NCOA7: variants seen among roughly 807,000 people sequenced by gnomAD.
The protein encoded by NCOA7 is 140 kDa estrogen receptor-associated protein.
In NCOA7, 45 loss-of-function variants were observed where a neutral mutation model predicts 104.3. The observed-to-expected ratio is 0.43, with a 90% CI of 0.34 to 0.55. The LOEUF (loss-of-function observed/expected upper bound fraction) is 0.55. Among genes scored for constraint, NCOA7 ranks in the 20% least tolerant of loss-of-function variants. The pLI is 0.02. For missense variants in NCOA7, 1,041 were observed against 1,119.7 expected, an observed-to-expected ratio of 0.93 and a Z score of 1.00; for synonymous variants, 398 against 402.3, an observed-to-expected ratio of 0.99 and a Z score of 0.13.
chr6:125,919,346 C>T (rs190242917), intron 11 of NCOA7: 35 of 1,612,856 alleles, frequency 2.2e-5, no homozygotes, highest in Non-Finnish European at 2.9e-5. Flanking sequence ...CCACACTTCT[C>T]ACTGCTCACA....
rs530251363 is a variant in NCOA7 at position 125,890,561 on chromosome 6, C to T, written c.1928-81C>T. ...ATGTTTTGACTAAGAGAGGATTGTG[C>T]ACTATTTTTTTTAAGTTGAAAAATT... On this transcript the variant is annotated intron_variant, in intron 9 of 15. Coordinates refer to ENST00000392477, the MANE Select transcript of NCOA7 (RefSeq NM_181782.5). 2.3e-5 allele frequency: 31 copies of T among 1,336,040 alleles called. No homozygotes were observed. In the South Asian group the frequency reaches 4.1e-4, roughly 18 times the overall value. 82.8% of individuals were successfully genotyped at this position (1,336,040 alleles called of 1,614,324 possible).
intron 7 of NCOA7, among the ~76,000 whole-genome samples, chr6:125,884,013 C>A (rs1047895028): frequency 1.3e-5 from 2 of 152,158 alleles, no homozygotes; most frequent in Non-Finnish European, 2.9e-5. Context: ...ACCACCACAC[C>A]CGGCCCACCC....
intron 2 of NCOA7, among the ~76,000 whole-genome samples, chr6:125,829,361 A>G (rs1015838985): frequency 6.6e-6 from 1 of 152,216 alleles, no homozygotes; most frequent in Non-Finnish European, 1.5e-5. Context: ...AGGAATTTTT[A>G]AAATAAACTA....
intron 11 of NCOA7, chr6:125,919,551 A>G: frequency 1.0e-6 from 1 of 989,722 alleles, no homozygotes. Context: ...TTCTACCAGC[A>G]GGTGTTTTAT....
intron 13 of NCOA7, among the ~76,000 whole-genome samples, chr6:125,926,982 C>A (rs1189832132): frequency 6.6e-6 from 1 of 152,096 alleles, no homozygotes; most frequent in Admixed American, 6.6e-5. Context: ...CCCTTCCATC[C>A]CCCGATAAGA....
At chr6:125,787,591 C>A (rs540355287), upstream of NCOA7, among the ~76,000 whole-genome samples, 1 of 152,262 alleles carries the variant, frequency 6.6e-6, no homozygotes, top group East Asian at 1.9e-4. Context: ...TTTATTCCTG[C>A]AAAAGTTAAA....
intron 1 of NCOA7, among the ~76,000 whole-genome samples, chr6:125,794,616 C>G (rs1224506645): frequency 6.6e-6 from 1 of 152,124 alleles, no homozygotes; most frequent in African/African-American, 2.4e-5. Flanking sequence ...GATCTCTGGA[C>G]ACAGTATGTT....
chr6:125,922,588 T>C (rs1583558494), intron 12 of NCOA7, 94 bp from the exon 13 acceptor site: 2 of 1,437,152 alleles, frequency 1.4e-6, no homozygotes. Flanking sequence ...TGTATGATAC[T>C]GAGTTTGAAT....
At position 125,929,321 on chromosome 6, in the gene NCOA7, A is replaced by G. The variant is rs1445077181; in HGVS notation, c.*550A>G. On this transcript the variant is annotated 3_prime_UTR_variant, in exon 16 of 16. Transcript: ENST00000392477. Reference sequence around the variant, plus strand: ...TGTGTCGGCAGTTTTTTTTCTTTTAATGTGTCAAATCTTGAAATATTAAAT... The same window carrying G: ...TGTGTCGGCAGTTTTTTTTCTTTTAGTGTGTCAAATCTTGAAATATTAAAT... 6.6e-6 allele frequency: 1 copy of G among 151,372 alleles called. No individual in the cohort carries two copies. The highest frequency in any genetic ancestry group is 1.5e-5 in the Non-Finnish European group (1 of 67,862). The allele number at this position is 151,372 out of a possible 1,614,324, so 9.4% of individuals were successfully genotyped here.
intron 8 of NCOA7, among the ~76,000 whole-genome samples, chr6:125,887,161 A>G (rs1322781464): frequency 1.3e-5 from 2 of 152,342 alleles, no homozygotes; most frequent in East Asian, 3.9e-4. Flanking sequence ...TAATCTAGAA[A>G]GCTAATTAGA....
chr6:125,818,701 A>AC (rs2128576565), intron 2 of NCOA7: 1 of 152,010 alleles, frequency 6.6e-6, no homozygotes, highest in East Asian at 1.9e-4. Flanking sequence ...AGAGAAAAGA[A>AC]CCCCCTTCAG....
At chr6:125,902,646 A>G (rs545387580) in intron 10 of NCOA7, among the ~76,000 whole-genome samples, 1 of 152,034 alleles carries the variant, frequency 6.6e-6, no homozygotes, top group Non-Finnish European at 1.5e-5. Context: ...TCAAGCATCA[A>G]CTCTCCAATT....
chr6:125,924,445 T>G (rs962646446), intron 13 of NCOA7, among the ~76,000 whole-genome samples: 1 of 152,256 alleles, frequency 6.6e-6, no homozygotes, highest in Non-Finnish European at 1.5e-5. Context: ...GCACCCCATC[T>G]ACCCCGAAGG....
intron 1 of NCOA7, among the ~76,000 whole-genome samples, chr6:125,808,149 A>G (rs1776630935): frequency 6.6e-6 from 1 of 152,194 alleles, no homozygotes; most frequent in African/African-American, 2.4e-5. Context: ...CAGATCACTC[A>G]GGATTCCCCG....
chr6:125,795,651 C>T lies in NCOA7; in HGVS notation c.-65+4584C>T, dbSNP rs1425545745. Reference sequence around the variant, plus strand: ...CTTGCTCTGCATTTCAAGCTGTCCCCATTTCAGCAGGCTGTCCTTCTAAAC... The same window carrying T: ...CTTGCTCTGCATTTCAAGCTGTCCCTATTTCAGCAGGCTGTCCTTCTAAAC... On this transcript the variant is annotated intron_variant, in intron 1 of 15. Coordinates refer to ENST00000392477, the MANE Select transcript of NCOA7 (RefSeq NM_181782.5). 3.3e-5 allele frequency among the ~76,000 whole-genome samples: 5 copies of T among 152,162 alleles called. No individual in the cohort carries two copies. The East Asian group carries it at 9.6e-4, about 29-fold the overall frequency.
intron 10 of NCOA7, among the ~76,000 whole-genome samples, chr6:125,894,596 A>G (rs1784862636): frequency 6.6e-6 from 1 of 152,206 alleles, no homozygotes. Context: ...TTCAATGCAG[A>G]GGATACCTTA....
intron 2 of NCOA7, among the ~76,000 whole-genome samples, chr6:125,819,346 A>G (rs1463380632): frequency 6.6e-6 from 1 of 151,898 alleles, no homozygotes; most frequent in African/African-American, 2.4e-5. Flanking sequence ...CTTATAATTT[A>G]TCTTGAAATA....
At chr6:125,811,500 G>C (rs1380693112) in intron 1 of NCOA7, among the ~76,000 whole-genome samples, 1 of 152,160 alleles carries the variant, frequency 6.6e-6, no homozygotes, top group African/African-American at 2.4e-5. Flanking sequence ...CTCTTTAGGG[G>C]AGAGGAGCGC....
At chr6:125,897,339 C>A (rs1392110626) in intron 10 of NCOA7, among the ~76,000 whole-genome samples, 1 of 152,174 alleles carries the variant, frequency 6.6e-6, no homozygotes, top group Non-Finnish European at 1.5e-5. Flanking sequence ...CAATGGAAAG[C>A]TAGTCCCATG....
Sources: allele counts gnomAD v4.1 joint callset (sites outside exome capture counted in the v4.1 genomes callset), GRCh38; gene constraint gnomAD v4.1.1; transcripts MANE v1.5; gene names NCBI Gene and HGNC (gene_info 2026-07-23, HGNC 2026-07-21).